Variants in ADAM10 observed in about 807,000 individuals in gnomAD.
ADAM10 encodes the protein ADAM metallopeptidase domain 10, also known as disintegrin and metalloproteinase domain-containing protein 10.
In ADAM10, 17 loss-of-function variants were observed where a neutral mutation model predicts 90.1. That is an observed-to-expected ratio of 0.19 (90% confidence interval 0.13 to 0.28). The LOEUF is 0.28. Among genes scored for constraint, ADAM10 ranks in the 10% least tolerant of loss-of-function variants. The pLI is 1.00. For missense variants in ADAM10, 610 were observed against 914.3 expected (o/e 0.67, Z 4.29); for synonymous variants, 310 against 298.6 (o/e 1.04, Z -0.40).
chr15:58,671,120 T>C (rs930327558), intron 4 of ADAM10, among the ~76,000 whole-genome samples: 1 of 152,226 alleles, frequency 6.6e-6, no homozygotes, highest in Non-Finnish European at 1.5e-5. Flanking sequence ...CTAACTTGTA[T>C]GATCTTGAGC....
intron 1 of ADAM10, among the ~76,000 whole-genome samples, chr15:58,744,863 C>G (rs1339465794): frequency 6.6e-6 from 1 of 152,032 alleles, no homozygotes; most frequent in Non-Finnish European, 1.5e-5. Flanking sequence ...CCAACAACAA[C>G]AACAACAAAA....
intron 1 of ADAM10, chr15:58,748,708 T>C (rs1899874143): frequency 2.6e-6 from 1 of 381,844 alleles, no homozygotes. Flanking sequence ...AGCCTACAAA[T>C]CAAAGAACAT....
rs1894808811 is a variant in ADAM10 at position 58,590,807 on chromosome 15, A to G, written c.*6740T>C. On this transcript the variant is annotated 3_prime_UTR_variant, in exon 16 of 16. Transcript: ENST00000260408. ...TGCTTAATGTGTTCAGTATAACCAC[A>G]TAGCCTTCATTTTTCCAAAATGATT... 1 of 152,224 alleles carries G rather than the reference A, an allele frequency of 6.6e-6. No homozygotes were observed. The highest frequency in any genetic ancestry group is 2.1e-4 in the South Asian group (1 of 4,834). 9.4% of individuals were successfully genotyped at this position (152,224 alleles called of 1,614,324 possible).
intron 5 of ADAM10, among the ~76,000 whole-genome samples, chr15:58,660,003 C>T (rs1257546710): frequency 2.0e-5 from 3 of 152,182 alleles, no homozygotes; most frequent in African/African-American, 7.2e-5. Context: ...GCTGGGATTA[C>T]AGGTGTGAGC....
chr15:58,607,949 C>T (rs531795923), intron 14 of ADAM10, among the ~76,000 whole-genome samples: 1 of 152,282 alleles, frequency 6.6e-6, no homozygotes, highest in Non-Finnish European at 1.5e-5. Context: ...GAAATAAGGT[C>T]TCAACAGATT....
intron 1 of ADAM10, among the ~76,000 whole-genome samples, chr15:58,743,177 C>T (rs1899670912): frequency 6.6e-6 from 1 of 152,052 alleles, no homozygotes; most frequent in South Asian, 2.1e-4. Flanking sequence ...AGGCCTGCCC[C>T]TGTGATTTTG....
At chr15:58,729,621 C>T (rs1180507540) in intron 1 of ADAM10, among the ~76,000 whole-genome samples, 1 of 152,122 alleles carries the variant, frequency 6.6e-6, no homozygotes, top group Non-Finnish European at 1.5e-5. Flanking sequence ...AATCTGAAAT[C>T]CAAAATGTTC....
intron 5 of ADAM10, among the ~76,000 whole-genome samples, chr15:58,660,265 C>T (rs1896935975): frequency 6.6e-6 from 1 of 152,058 alleles, no homozygotes; most frequent in Non-Finnish European, 1.5e-5. Context: ...TCAATCATGG[C>T]TCACTGCAGT....
chr15:58,655,099 T>C (rs1203684995), intron 5 of ADAM10: 1 of 152,210 alleles, frequency 6.6e-6, no homozygotes, highest in Non-Finnish European at 1.5e-5. Flanking sequence ...GGTATTGAAG[T>C]CTCCAGCTAT....
intron 2 of ADAM10, among the ~76,000 whole-genome samples, chr15:58,711,659 C>G (rs1397407298): frequency 6.6e-6 from 1 of 152,008 alleles, no homozygotes; most frequent in African/African-American, 2.4e-5. Flanking sequence ...GCGAGAAGAC[C>G]AGAAAATAAA....
chr15:58,664,140 A>T (rs1897027009), intron 5 of ADAM10, among the ~76,000 whole-genome samples: 2 of 151,902 alleles, frequency 1.3e-5, no homozygotes, highest in Admixed American at 1.3e-4. Flanking sequence ...TAGTCTTTCC[A>T]TATCCTCATG....
intron 1 of ADAM10, among the ~76,000 whole-genome samples, chr15:58,736,955 T>G (rs1271703076): frequency 1.3e-5 from 2 of 152,042 alleles, no homozygotes; most frequent in Non-Finnish European, 2.9e-5. Flanking sequence ...TCTCTAGTTT[T>G]TTTTTAAGGG....
chr15:58,621,096 TA>T (rs1292584560), intron 11 of ADAM10, among the ~76,000 whole-genome samples: 6 of 148,396 alleles, frequency 4.0e-5, no homozygotes, highest in Admixed American at 6.7e-5. Context: ...ACTCTGTCTC[TA>T]AAAAAAAATA....
intron 2 of ADAM10, among the ~76,000 whole-genome samples, chr15:58,687,758 G>A (rs1897644958): frequency 6.6e-6 from 1 of 152,078 alleles, no homozygotes; most frequent in Non-Finnish European, 1.5e-5. Flanking sequence ...ACAACAATTT[G>A]TACAAACTTC....
intron 15 of ADAM10, 25 bp downstream of exon 15, chr15:58,599,573 A>T: frequency 6.2e-7 from 1 of 1,611,274 alleles, no homozygotes; most frequent in Non-Finnish European, 8.5e-7. Context: ...TTACATAAAT[A>T]TGTATCTTGC....
chr15:58,660,731 T>C (rs1896946993), intron 5 of ADAM10, among the ~76,000 whole-genome samples: 1 of 152,254 alleles, frequency 6.6e-6, no homozygotes, highest in South Asian at 2.1e-4. Context: ...TTTATTAACA[T>C]GTTAAATTAT....
At chr15:58,715,892 G>A (rs764033793) in intron 2 of ADAM10, among the ~76,000 whole-genome samples, 2 of 151,964 alleles carry the variant, frequency 1.3e-5, no homozygotes, top group African/African-American at 4.8e-5. Flanking sequence ...TTTTCCTTTT[G>A]GCAGTCAAAC....
chr15:58,643,489 T>G (rs1479278525), intron 7 of ADAM10, among the ~76,000 whole-genome samples: 1 of 152,150 alleles, frequency 6.6e-6, no homozygotes, highest in Non-Finnish European at 1.5e-5. Flanking sequence ...TTTTCTCCCC[T>G]GGAACACCAA....
Position 58,590,469 on chromosome 15 carries a change from CA to C in ADAM10, c.*7077del, listed in dbSNP as rs1452977897. ...CTGTGAGTAAGGTAACTGGTCAATG[CA>C]TATCAGCAAATGCATACCATAAAAG... On this transcript the variant is annotated 3_prime_UTR_variant, in exon 16 of 16. Coordinates refer to ENST00000260408, the MANE Select transcript of ADAM10 (RefSeq NM_001110.4). 1 of 152,186 alleles carries C rather than the reference CA, an allele frequency of 6.6e-6. No homozygotes were observed. Among genetic ancestry groups the C allele is most frequent in the Non-Finnish European group, 1.5e-5 (1 of 68,046 alleles). 9.4% of individuals were successfully genotyped at this position (152,186 alleles called of 1,614,324 possible).
Sources: allele counts gnomAD v4.1 joint callset (sites outside exome capture counted in the v4.1 genomes callset), GRCh38; gene constraint gnomAD v4.1.1; transcripts MANE v1.5; gene names NCBI Gene and HGNC (gene_info 2026-07-23, HGNC 2026-07-21).